The following C2CD3 variants were observed in gnomAD, a reference collection of about 807,000 sequenced individuals.
C2CD3 encodes the protein C2 domain containing 3 centriole elongation regulator.
A neutral mutation model predicts 234.0 loss-of-function variants in C2CD3; 148 were observed. The ratio of observed to expected loss-of-function variants is 0.63; its 90% CI spans 0.55 to 0.72. The LOEUF is 0.72. C2CD3 is among the 30% of genes least tolerant of loss of function. The pLI is 0.00. For missense variants in C2CD3, 2,577 were observed against 2,811.5 expected, an observed-to-expected ratio of 0.92 and a Z score of 1.89; for synonymous variants, 1,000 against 1,035.4, an observed-to-expected ratio of 0.97 and a Z score of 0.66.
At chr11:74,082,261 G>T (rs957115250) in intron 22 of C2CD3, among the ~76,000 whole-genome samples, 13 of 151,952 alleles carry the variant, frequency 8.6e-5, no homozygotes, top group African/African-American at 3.1e-4. Flanking sequence ...GACCACAGGC[G>T]CCTGCTACCA....
chr11:74,092,453 C>T lies in C2CD3; in HGVS notation c.3480G>A (p.Arg1160=), dbSNP rs765888573. Residue 1160 remains arginine, a synonymous_variant, in exon 19 of 33, where the codon AGG becomes AGA. Coordinates refer to ENST00000334126, the MANE Select transcript of C2CD3 (RefSeq NM_001286577.2). The part of the protein sequence containing the change: ...IQTFNLPLTP[R]IENRKELRNQ... ...TCCTCAATTCTTTCCTGTTCTCAAT[C>T]CTGGGGGTTAAAGGGAGATTAAAGG... 2 of 1,613,920 alleles carry T rather than the reference C, an allele frequency of 1.2e-6. No individual in the cohort carries two copies. The highest frequency in any genetic ancestry group is 1.7e-6 in the Non-Finnish European group (2 of 1,179,884).
chr11:74,163,775 C>A (rs1226201209), intron 2 of C2CD3, among the ~76,000 whole-genome samples: 1 of 152,148 alleles, frequency 6.6e-6, no homozygotes, highest in Admixed American at 6.5e-5. Flanking sequence ...GACTAATACA[C>A]CACTCATGGG....
chr11:74,031,245 T>C (rs372569400), intron 31 of C2CD3, among the ~76,000 whole-genome samples: 1 of 152,214 alleles, frequency 6.6e-6, no homozygotes, highest in Non-Finnish European at 1.5e-5. Flanking sequence ...ATTTTACAGA[T>C]GAGGAAAGTG....
At chr11:74,059,919 T>A (rs1209104883) in intron 24 of C2CD3, among the ~76,000 whole-genome samples, 1 of 152,172 alleles carries the variant, frequency 6.6e-6, no homozygotes, top group Non-Finnish European at 1.5e-5. Context: ...ACTCCCACCC[T>A]AATACTGCAC....
chr11:74,048,421 T>C, intron 27 of C2CD3, 83 bp from the exon 28 acceptor site: 1 of 1,393,362 alleles, frequency 7.2e-7, no homozygotes, highest in Non-Finnish European at 9.9e-7. Flanking sequence ...GTTTGTAAAA[T>C]TTATTGTGTG....
rs1952631089 is a variant in C2CD3, at chr11:74,034,245, G to A, written c.5915C>T (p.Ala1972Val). Residue 1972 changes from alanine (A) to valine (V), a missense_variant, in exon 31 of 33, where the codon GCT becomes GTT. Transcript: ENST00000334126. ...ACTCCTGGCTCGGTGAGAACTCAAA[G>A]CTGCTTGCGAATCCCTGGTGATAGT... ...LQTITRDSQA[A>V]LSSHRARSRS... 6.5e-7 allele frequency: 1 copy of A among 1,535,918 alleles called. No individual in the cohort carries two copies. The highest frequency in any genetic ancestry group is 1.4e-5 in the African/African-American group (1 of 73,020).
chr11:74,060,173 T>G (rs975048417), intron 24 of C2CD3, among the ~76,000 whole-genome samples: 9 of 152,232 alleles, frequency 5.9e-5, no homozygotes, highest in African/African-American at 2.2e-4. Flanking sequence ...CCTGCCTCTG[T>G]AGACTCCACC....
rs1465639344 is a variant in C2CD3 at position 74,037,666 on chromosome 11, C to T, written c.5693G>A (p.Arg1898Lys). 2 of 1,614,008 alleles carry T rather than the reference C, an allele frequency of 1.2e-6. No individual in the cohort carries two copies. Among genetic ancestry groups the T allele is most frequent in the Non-Finnish European group, 1.7e-6 (2 of 1,179,978 alleles). Residue 1898 changes from arginine (R) to lysine (K), a missense_variant, in exon 30 of 33, where the codon AGG becomes AAG. Physicochemically the swap from Arg to Lys is conservative, Grantham distance 26 (BLOSUM62 2). Coordinates refer to ENST00000334126, the MANE Select transcript of C2CD3 (RefSeq NM_001286577.2). Reference protein sequence around the residue: ...KNLSELDQIQRYFRQKLTKPF... With the variant: ...KNLSELDQIQKYFRQKLTKPF... ...CTTGGTGAGCTTCTGGCGGAAGTAC[C>T]TCTGAATCTGATCAAGCTCACTCAG...
intron 1 of C2CD3, among the ~76,000 whole-genome samples, chr11:74,170,037 G>A (rs950917814): frequency 6.6e-6 from 1 of 152,080 alleles, no homozygotes; most frequent in Non-Finnish European, 1.5e-5. Context: ...TGGGTTCCTA[G>A]GTTGACTGTT....
chr11:74,022,825 G>A (rs989454245), intron 32 of C2CD3, among the ~76,000 whole-genome samples: 14 of 152,246 alleles, frequency 9.2e-5, no homozygotes, highest in African/African-American at 3.4e-4. Context: ...CAAATGGATC[G>A]CTGTGCTGCA....
Position 74,013,494 on chromosome 11 carries a change from G to C in C2CD3, c.6953C>G (p.Ser2318Cys), listed in dbSNP as rs1446828026. ...DKSEATRGALSQRPCRPRPNS... is the reference protein window; with the variant it reads ...DKSEATRGALCQRPCRPRPNS... Reference sequence around the variant, plus strand: ...AGGTCTGGGGCGACAAGGCCTTTGGGAGAGAGCTCCCCTGGTGGCTTCGCT... The same window carrying C: ...AGGTCTGGGGCGACAAGGCCTTTGGCAGAGAGCTCCCCTGGTGGCTTCGCT... Residue 2318 changes from serine (S) to cysteine (C), a missense_variant, in exon 33 of 33, where the codon TCC (serine) becomes TGC (cysteine). Coordinates refer to ENST00000334126, the MANE Select transcript of C2CD3 (RefSeq NM_001286577.2). 2.9e-6 allele frequency: 4 copies of C among 1,393,120 alleles called. No homozygotes were observed. The South Asian group carries it at 6.6e-5, about 23-fold the overall frequency. 86.3% of individuals were successfully genotyped at this position (1,393,120 alleles called of 1,614,324 possible).
intron 1 of C2CD3, among the ~76,000 whole-genome samples, chr11:74,170,134 C>G (rs1857071968): frequency 6.6e-6 from 1 of 152,164 alleles, no homozygotes; most frequent in African/African-American, 2.4e-5. Context: ...CACACTCTTT[C>G]ATGATCTCAG....
intron 8 of C2CD3, among the ~76,000 whole-genome samples, chr11:74,121,120 C>G (rs1957198043): frequency 6.6e-6 from 1 of 152,086 alleles, no homozygotes; most frequent in African/African-American, 2.4e-5. Context: ...CAGTCAGGGT[C>G]AGATTCTAAC....
chr11:74,057,302 CA>C, intron 25 of C2CD3, 103 bp downstream of exon 25: 1 of 1,135,194 alleles, frequency 8.8e-7, no homozygotes, highest in South Asian at 1.4e-5. Context: ...AAGCATTTTC[CA>C]GGTCTGCTCA....
rs146433040 is a variant in C2CD3, at chr11:74,141,013, T to TATA, written c.484-1188_484-1186dup. The stretch of plus-strand genomic sequence containing the variant: ...AAACCTTAAGGAAGAAAGTGAAGGA[T>TATA]ATACTCCAAAGGAAAAGAATAGTAG... On this transcript the variant is annotated intron_variant, in intron 3 of 32. Coordinates refer to ENST00000334126, the MANE Select transcript of C2CD3 (RefSeq NM_001286577.2). Among the ~76,000 whole-genome samples, 530 of 152,248 alleles carry TATA rather than the reference T, an allele frequency of 3.5e-3. 6 individuals carry two copies. The highest frequency in any genetic ancestry group is 0.012 in the African/African-American group (504 of 41,546).
intron 3 of C2CD3, among the ~76,000 whole-genome samples, chr11:74,150,777 A>G: frequency 6.6e-6 from 1 of 152,174 alleles, no homozygotes; most frequent in East Asian, 1.9e-4. Flanking sequence ...CCATTATCAC[A>G]TTTAAAAAAT....
chr11:74,094,523 T>C (rs941936312), intron 17 of C2CD3, among the ~76,000 whole-genome samples: 1 of 152,154 alleles, frequency 6.6e-6, no homozygotes, highest in Non-Finnish European at 1.5e-5. Flanking sequence ...AGTCACCTGG[T>C]CTGTTTGTTC....
chr11:74,071,381 C>T (rs1954783421), intron 24 of C2CD3, among the ~76,000 whole-genome samples: 1 of 152,170 alleles, frequency 6.6e-6, no homozygotes, highest in Non-Finnish European at 1.5e-5. Context: ...TGCAGTCCTT[C>T]CTCCCACAGA....
intron 3 of C2CD3, among the ~76,000 whole-genome samples, chr11:74,158,702 A>T (rs1225191570): frequency 6.6e-6 from 1 of 150,862 alleles, no homozygotes; most frequent in Non-Finnish European, 1.5e-5. Context: ...AACCTGTACA[A>T]CAAGAGCAAA....
Sources: gnomAD v4.1 joint callset for allele counts (sites outside exome capture counted in the v4.1 genomes callset) on GRCh38, gnomAD v4.1.1 for gene constraint, MANE v1.5 for transcripts, NCBI Gene and HGNC (gene_info 2026-07-23, HGNC 2026-07-21) for gene names.